Variants in FAT3 observed in about 807,000 individuals in gnomAD.
FAT3 encodes the protein FAT atypical cadherin 3, also known as protocadherin Fat 3.
Under a neutral mutation model 310.2 loss-of-function variants are expected in FAT3, and 95 were observed. The observed-to-expected ratio is 0.31, with a 90% confidence interval of 0.26 to 0.36. The LOEUF is 0.36. Ranked by LOEUF, FAT3 falls within the 10% of genes least tolerant of loss-of-function variation. FAT3 has a pLI of 1.00. For missense variants in FAT3, 5,408 were observed against 5,715.6 expected, an observed-to-expected ratio of 0.95 and a Z score of 1.74; for synonymous variants, 2,314 against 2,192.9, an observed-to-expected ratio of 1.06 and a Z score of -1.54.
rs918350837 is a variant in FAT3 at position 92,527,390 on chromosome 11, C to T, written c.3607+2442C>T. 3.3e-5 allele frequency among the ~76,000 whole-genome samples: 5 copies of T among 152,196 alleles called. 1 individual carries two copies. The highest frequency in any genetic ancestry group is 2.1e-4 in the South Asian group (1 of 4,818). ...CACAGTGCCTGGTGCATTGAAATCC[C>T]ACAAAAAAAGCTGATACCCCATTCT... is the stretch of plus-strand genomic sequence containing the variant. On this transcript the variant is annotated intron_variant, in intron 3 of 27. Transcript: ENST00000525166.
intron 2 of FAT3, among the ~76,000 whole-genome samples, chr11:92,518,076 T>A (rs541167): frequency 0.63 from 95,447 of 151,814 alleles, 30,795 homozygotes; most frequent in African/African-American, 0.79. Context: ...TTCCTCAAGG[T>A]TCTAGATCCA....
chr11:92,765,026 A>T lies in FAT3; in HGVS notation c.4132A>T (p.Thr1378Ser), dbSNP rs759054325. The T allele has an allele frequency of 6.2e-7, 1 of 1,613,846 alleles. No homozygotes were observed. The highest frequency in any genetic ancestry group is 1.1e-5 in the South Asian group (1 of 91,068). Residue 1378 changes from threonine (T) to serine (S), a missense_variant, in exon 6 of 28, where the codon ACT (threonine) becomes TCT (serine). Transcript: ENST00000525166. Reference protein sequence around the residue: ...NFTVMESDRVTEIVGVVSVQP... With the variant: ...NFTVMESDRVSEIVGVVSVQP... Reference sequence around the variant, plus strand: ...CACAGTCATGGAAAGTGATAGAGTGACTGAAATTGTAGGGGTGGTGTCTGT... The same window carrying T: ...CACAGTCATGGAAAGTGATAGAGTGTCTGAAATTGTAGGGGTGGTGTCTGT...
intron 2 of FAT3, among the ~76,000 whole-genome samples, chr11:92,368,681 C>G (rs1949087873): frequency 6.6e-6 from 1 of 151,996 alleles, no homozygotes; most frequent in Non-Finnish European, 1.5e-5. Context: ...ATTCTAGTGC[C>G]ACCCACCTCA....
intron 3 of FAT3, among the ~76,000 whole-genome samples, chr11:92,534,749 A>C (rs976417099): frequency 6.6e-6 from 1 of 152,208 alleles, no homozygotes; most frequent in Non-Finnish European, 1.5e-5. Context: ...TTCGTCACCG[A>C]AGACAAGATT....
chr11:92,285,103 T>C (rs866679439), intron 1 of FAT3, among the ~76,000 whole-genome samples: 17 of 152,220 alleles, frequency 1.1e-4, no homozygotes, highest in African/African-American at 3.4e-4. Context: ...AATCAGTGAA[T>C]ATATCTAGAA....
chr11:92,404,956 G>C (rs908952196), intron 2 of FAT3, among the ~76,000 whole-genome samples: 4 of 152,010 alleles, frequency 2.6e-5, no homozygotes, highest in African/African-American at 7.2e-5. Context: ...CTCGTTTGCA[G>C]ACCTTTGGGT....
intron 6 of FAT3, among the ~76,000 whole-genome samples, chr11:92,771,394 G>A (rs1946451898): frequency 6.6e-6 from 1 of 152,126 alleles, no homozygotes; most frequent in Admixed American, 6.5e-5. Flanking sequence ...ATATGGAGTC[G>A]TTTATGAAAT....
intron 3 of FAT3, among the ~76,000 whole-genome samples, chr11:92,625,949 A>G (rs147865504): frequency 6.6e-6 from 1 of 152,154 alleles, no homozygotes; most frequent in Non-Finnish European, 1.5e-5. Context: ...GAGTATTGTA[A>G]GTGACTTGCC....
At chr11:92,837,521 C>T in intron 16 of FAT3, 142 bp from the exon 17 acceptor site, 2 of 1,017,138 alleles carry the variant, frequency 2.0e-6, no homozygotes, top group Non-Finnish European at 1.4e-6. Context: ...TCAGTGGTGC[C>T]AAGAATCACC....
At chr11:92,641,965 G>A (rs1227192385) in intron 3 of FAT3, among the ~76,000 whole-genome samples, 1 of 152,190 alleles carries the variant, frequency 6.6e-6, no homozygotes, top group Non-Finnish European at 1.5e-5. Flanking sequence ...GTTGAAGGGA[G>A]GCACAATGCA....
intron 3 of FAT3, among the ~76,000 whole-genome samples, chr11:92,562,469 G>A (rs1025583220): frequency 2.0e-5 from 3 of 152,184 alleles, no homozygotes; most frequent in Admixed American, 6.5e-5. Context: ...TACCTGTAAA[G>A]TGGATATACT....
intron 8 of FAT3, among the ~76,000 whole-genome samples, chr11:92,791,930 G>C (rs1303747761): frequency 1.3e-5 from 2 of 152,168 alleles, no homozygotes; most frequent in Non-Finnish European, 2.9e-5. Context: ...ATGACAAATG[G>C]TTGTGTAAAG....
At chr11:92,320,101 AAAACTCT>A (rs1947570959) in intron 1 of FAT3, among the ~76,000 whole-genome samples, 2 of 152,218 alleles carry the variant, frequency 1.3e-5, no homozygotes, top group African/African-American at 4.8e-5. Flanking sequence ...TCACTGAAAC[AAAACTCT>A]GGCAGGTGAG....
At chr11:92,607,021 G>A (rs11020025) in intron 3 of FAT3, among the ~76,000 whole-genome samples, 1,712 of 152,182 alleles carry the variant, frequency 0.011, 48 homozygotes, top group African/African-American at 0.039. Context: ...ACACCACCTC[G>A]CCATTAGCCA....
chr11:92,487,127 C>A (rs1952436282), intron 2 of FAT3, among the ~76,000 whole-genome samples: 1 of 152,110 alleles, frequency 6.6e-6, no homozygotes, highest in South Asian at 2.1e-4. Context: ...TAGAAGCAAT[C>A]CTGAGGGTGT....
intron 21 of FAT3, among the ~76,000 whole-genome samples, chr11:92,860,748 A>G (rs924997595): frequency 1.3e-5 from 2 of 152,186 alleles, no homozygotes; most frequent in Non-Finnish European, 2.9e-5. Flanking sequence ...GAGGAAGGAG[A>G]GAAATAGAGA....
chr11:92,240,851 G>A (rs1864644976), intron 1 of FAT3, among the ~76,000 whole-genome samples: 1 of 151,946 alleles, frequency 6.6e-6, no homozygotes, highest in Admixed American at 6.6e-5. Flanking sequence ...CTTTTCAGCT[G>A]GTTTTGCTCA....
intron 2 of FAT3, among the ~76,000 whole-genome samples, chr11:92,395,093 T>C (rs963985541): frequency 2.0e-5 from 3 of 152,176 alleles, no homozygotes; most frequent in African/African-American, 7.2e-5. Flanking sequence ...AAATAACCAT[T>C]TTCCTGCTTA....
At chr11:92,751,026 C>T (rs1945814269) in intron 4 of FAT3, among the ~76,000 whole-genome samples, 1 of 152,174 alleles carries the variant, frequency 6.6e-6, no homozygotes, top group African/African-American at 2.4e-5. Context: ...CAGGATAGAG[C>T]AGCCAAAGCC....
Sources: allele counts gnomAD v4.1 joint callset (sites outside exome capture counted in the v4.1 genomes callset), GRCh38; gene constraint gnomAD v4.1.1; transcripts MANE v1.5; gene names NCBI Gene and HGNC (gene_info 2026-07-23, HGNC 2026-07-21).